The following MLKL variants were observed in gnomAD, a reference collection of about 807,000 sequenced individuals.
MLKL encodes mixed lineage kinase domain like pseudokinase, also known as mixed lineage kinase domain-like protein.
Under a neutral mutation model 56.5 loss-of-function variants are expected in MLKL, and 55 were observed. The observed-to-expected ratio is 0.97, with a 90% CI of 0.78 to 1.22. MLKL has a LOEUF of 1.22. MLKL is among the 50% of genes most tolerant of loss of function. MLKL has a pLI of 0.00. For synonymous variants in MLKL, 251 were observed against 208.3 expected, an observed-to-expected ratio of 1.20 and a Z score of -1.76; for missense variants, 694 against 573.9, an observed-to-expected ratio of 1.21 and a Z score of -2.14.
chr16:74,698,872 G>A (rs1961212533), intron 1 of MLKL, among the ~76,000 whole-genome samples: 1 of 152,300 alleles, frequency 6.6e-6, no homozygotes, highest in African/African-American at 2.4e-5. Flanking sequence ...TCAGCGCTTT[G>A]GAAGGCCGAG....
At chr16:74,684,387 G>A (rs1960187479) in intron 5 of MLKL, among the ~76,000 whole-genome samples, 1 of 149,300 alleles carries the variant, frequency 6.7e-6, no homozygotes, top group Non-Finnish European at 1.5e-5. Flanking sequence ...ACCAGCAGGA[G>A]GGGTCATTCC....
At chr16:74,680,378 G>C (rs1959871123) in intron 6 of MLKL, among the ~76,000 whole-genome samples, 1 of 152,128 alleles carries the variant, frequency 6.6e-6, no homozygotes, top group Admixed American at 6.5e-5. Flanking sequence ...AAAAGTGTGG[G>C]ATAAGGTGGT....
chr16:74,692,385 T>C lies in MLKL; in HGVS notation c.492A>G (p.Arg164=), dbSNP rs1275439127. Residue 164 remains arginine (R), a synonymous_variant, in exon 3 of 11, where the codon CGA becomes CGG. Transcript: ENST00000308807. ...TGATTTCTTTCATGTTGATTTCTAA[T>C]CGTCTCAGTGAAGCTTCTATTTTTT... ...DNEKIEASLR[R]LEINMKEIKE... 13 of 1,613,886 alleles carry C rather than the reference T, an allele frequency of 8.1e-6. No homozygotes were observed. Among genetic ancestry groups the C allele is most frequent in the Admixed American group, 5.0e-5 (3 of 59,962 alleles).
intron 4 of MLKL, 128 bp downstream of exon 4, chr16:74,691,149 G>A (rs950899414): frequency 1.8e-5 from 14 of 777,742 alleles, no homozygotes; most frequent in Admixed American, 1.3e-4. Flanking sequence ...CCTTAACAGT[G>A]GAGAGCACAT....
chr16:74,685,246 C>T (rs1006087013), intron 5 of MLKL, among the ~76,000 whole-genome samples: 4 of 152,074 alleles, frequency 2.6e-5, no homozygotes, highest in African/African-American at 9.7e-5. Flanking sequence ...TCCCAGTGGG[C>T]TGAAAGGAGA....
chr16:74,681,446 G>C (rs781000215), intron 6 of MLKL, among the ~76,000 whole-genome samples: 2 of 152,144 alleles, frequency 1.3e-5, no homozygotes, highest in Non-Finnish European at 2.9e-5. Context: ...GGGGACCCTT[G>C]GGACTAAGAA....
At chr16:74,675,890 T>G (rs1959567554) in intron 7 of MLKL, 126 bp from the exon 8 acceptor site, 3 of 1,039,194 alleles carry the variant, frequency 2.9e-6, no homozygotes, top group Non-Finnish European at 4.2e-6. Flanking sequence ...TTTCCTGTCG[T>G]GACTTCTGTC....
intron 9 of MLKL, 45 bp downstream of exon 9, chr16:74,675,310 G>T: frequency 1.2e-6 from 2 of 1,613,610 alleles, no homozygotes; most frequent in South Asian, 2.2e-5. Context: ...TACTGGAAGG[G>T]GACCCAACCT....
At chr16:74,679,081 G>C (rs1159191892) in intron 6 of MLKL, 101 bp from the exon 7 acceptor site, 2 of 874,220 alleles carry the variant, frequency 2.3e-6, no homozygotes, top group Non-Finnish European at 3.7e-6. Flanking sequence ...AGTACCATGG[G>C]TGCCTGTCCA....
Position 74,682,701 on chromosome 16 carries a change from T to C in MLKL, c.906A>G (p.Thr302=). 6.2e-7 allele frequency: 1 copy of C among 1,614,084 alleles called. No homozygotes were observed. The highest frequency in any genetic ancestry group is 1.7e-5 in the Admixed American group (1 of 60,006). Residue 302 remains threonine, a synonymous_variant, in exon 6 of 11, where the codon ACA becomes ACG. Transcript: ENST00000308807. The part of the protein sequence containing the change: ...RELLDREKDL[T]LGKRMVLVLG... ...GGACTAGGACCATGCGCTTGCCAAG[T>C]GTGAGGTCTTTTTCCCTATCCAACA...
rs187674642 is a variant in MLKL at position 74,690,359 on chromosome 16, A to G, written c.722+918T>C. Among the ~76,000 whole-genome samples the G allele has an allele frequency of 4.6e-5, 7 of 152,146 alleles. No homozygotes were observed. In the South Asian group the frequency reaches 1.4e-3, roughly 32 times the overall value. ...TAGTACTTAGTCACTTAATATACAC[A>G]TATCCCATGGCCCATCATTTTCTCT... On this transcript the variant is annotated intron_variant, in intron 4 of 10. Transcript: ENST00000308807.
At chr16:74,687,398 G>A (rs948088321) in intron 4 of MLKL, among the ~76,000 whole-genome samples, 13 of 151,608 alleles carry the variant, frequency 8.6e-5, no homozygotes, top group African/African-American at 2.9e-4. Flanking sequence ...ATCCTTACCC[G>A]ATTTGTAGTT....
At chr16:74,694,967 G>C (rs1960934293) in intron 2 of MLKL, among the ~76,000 whole-genome samples, 1 of 152,108 alleles carries the variant, frequency 6.6e-6, no homozygotes, top group African/African-American at 2.4e-5. Flanking sequence ...CTGCCTCCCG[G>C]GTTCACGCTG....
chr16:74,681,355 T>C (rs1959955370), intron 6 of MLKL, among the ~76,000 whole-genome samples: 1 of 151,984 alleles, frequency 6.6e-6, no homozygotes, highest in South Asian at 2.1e-4. Context: ...AGTGAGTCAA[T>C]GTAATGAAAA....
chr16:74,691,596 G>A, intron 3 of MLKL, 133 bp from the exon 4 acceptor site: 1 of 978,746 alleles, frequency 1.0e-6, no homozygotes. Context: ...GGTGGCTGGG[G>A]CTTCTGATGG....
chr16:74,687,852 G>C (rs983187475), intron 4 of MLKL, among the ~76,000 whole-genome samples: 4 of 147,680 alleles, frequency 2.7e-5, no homozygotes, highest in African/African-American at 1.0e-4. Flanking sequence ...TTGCGATGGA[G>C]TCTTGCTCTG....
At chr16:74,686,561 T>C (rs1178756853) in intron 4 of MLKL, among the ~76,000 whole-genome samples, 3 of 152,232 alleles carry the variant, frequency 2.0e-5, no homozygotes, top group Admixed American at 2.0e-4. Context: ...CCAGCCTGGG[T>C]GACAGAACGA....
Position 74,681,885 on chromosome 16 carries a change from C to CAT in MLKL, c.956+764_956+765dup, listed in dbSNP as rs993574577. 1.2e-4 allele frequency among the ~76,000 whole-genome samples: 18 copies of CAT among 152,106 alleles called. 2 individuals are homozygous for CAT. Among genetic ancestry groups the CAT allele is most frequent in the African/African-American group, 7.2e-5 (3 of 41,502 alleles). ...ATGAATATATAGATTCACGTACACG[C>CAT]ATATATATATGTACAAGCATGCCCA... On this transcript the variant is annotated intron_variant, in intron 6 of 10. Coordinates refer to ENST00000308807, the MANE Select transcript of MLKL (RefSeq NM_152649.4).
chr16:74,698,656 A>G (rs1961199684), intron 1 of MLKL, among the ~76,000 whole-genome samples: 1 of 152,240 alleles, frequency 6.6e-6, no homozygotes, highest in Non-Finnish European at 1.5e-5. Flanking sequence ...GGAATCTTGC[A>G]AATTGTAGCT....
Sources: allele counts gnomAD v4.1 joint callset (sites outside exome capture counted in the v4.1 genomes callset), GRCh38; gene constraint gnomAD v4.1.1; transcripts MANE v1.5; gene names NCBI Gene and HGNC (gene_info 2026-07-23, HGNC 2026-07-21).